The following SV2B variants were observed in gnomAD, a reference collection of about 807,000 sequenced individuals.
The protein encoded by SV2B is synaptic vesicle glycoprotein 2B.
SV2B carries 41 observed loss-of-function variants against 73.9 expected under a neutral mutation model. That is an observed-to-expected ratio of 0.56 (90% CI 0.43 to 0.72). The LOEUF is 0.72. Ranked by LOEUF, SV2B falls within the 30% of genes least tolerant of loss-of-function variation. SV2B has a pLI of 0.00. For synonymous variants in SV2B, 314 were observed against 314.2 expected (o/e 1.00, Z 0.01); for missense variants, 764 against 857.8 (o/e 0.89, Z 1.37).
intron 1 of SV2B, among the ~76,000 whole-genome samples, chr15:91,166,927 C>T (rs1169289007): frequency 2.0e-5 from 3 of 151,840 alleles, no homozygotes; most frequent in Non-Finnish European, 4.4e-5. Flanking sequence ...CATTCTCCTG[C>T]CTCAGCCTCC....
At position 91,236,492 on chromosome 15, in the gene SV2B, G is replaced by A. The variant is rs969308658; in HGVS notation, c.451+9778G>A. Among the ~76,000 whole-genome samples, 1 of 152,146 alleles carries A rather than the reference G, an allele frequency of 6.6e-6. No homozygotes were observed. Among genetic ancestry groups the A allele is most frequent in the African/African-American group, 2.4e-5 (1 of 41,406 alleles). On this transcript the variant is annotated intron_variant, in intron 2 of 12. Coordinates refer to ENST00000394232, the MANE Select transcript of SV2B (RefSeq NM_001323032.3). The surrounding 1 kb of genome is among the most constrained non-coding windows in gnomAD (Gnocchi z 4.1). Reference sequence around the variant, plus strand: ...TAAACTGGCATATTTACTGAGAATGGAGGTGGAAGTTGCAGAGTTGGGAGT... The same window carrying A: ...TAAACTGGCATATTTACTGAGAATGAAGGTGGAAGTTGCAGAGTTGGGAGT...
intron 1 of SV2B, among the ~76,000 whole-genome samples, chr15:91,172,246 GC>G (rs1345015967): frequency 2.0e-5 from 3 of 152,106 alleles, no homozygotes; most frequent in African/African-American, 7.2e-5. Context: ...AGCTTTCCCT[GC>G]CTGTGCTATC....
At chr15:91,217,048 C>T (rs958786500) in intron 1 of SV2B, among the ~76,000 whole-genome samples, 2 of 151,706 alleles carry the variant, frequency 1.3e-5, no homozygotes, top group Non-Finnish European at 2.9e-5. Context: ...CCACCACGCT[C>T]GGCTAATTAG....
At position 91,265,249 on chromosome 15, in the gene SV2B, C is replaced by T. The variant is rs796546481; in HGVS notation, c.1009-1333C>T. The stretch of plus-strand genomic sequence containing the variant: ...CCGTGAGCTCTAGGTTTTACCAGCC[C>T]TGTTGGCTGCCTCACAAACTCACAG... On this transcript the variant is annotated intron_variant, in intron 6 of 12. Transcript: ENST00000394232. This position sits in a 1 kb window ranked among gnomAD's most constrained non-coding sequence, Gnocchi z 4.2. Among the ~76,000 whole-genome samples, 5 of 152,322 alleles carry T rather than the reference C, an allele frequency of 3.3e-5. No homozygotes were observed. Among genetic ancestry groups the T allele is most frequent in the African/African-American group, 1.2e-4 (5 of 41,572 alleles).
At chr15:91,173,108 G>C (rs2044180577) in intron 1 of SV2B, among the ~76,000 whole-genome samples, 1 of 152,162 alleles carries the variant, frequency 6.6e-6, no homozygotes, top group South Asian at 2.1e-4. Flanking sequence ...GGGCCTCTGT[G>C]AGGAGGAGAA....
chr15:91,191,417 C>T (rs2045024439), intron 1 of SV2B, among the ~76,000 whole-genome samples: 1 of 151,844 alleles, frequency 6.6e-6, no homozygotes. Context: ...AGTTATTAAT[C>T]CCCCCCACCT....
In SV2B at chr15:91,296,913, T is replaced by TCCTTCTGCCCGATCGTTGGGCGCAC. The variant is rs1567035983; in HGVS notation, c.*4361_*4362insCCTTCTGCCCGATCGTTGGGCGCAC. The TCCTTCTGCCCGATCGTTGGGCGCAC allele has an allele frequency of 4.0e-3, 328 of 81,300 alleles. 50 individuals are homozygous for TCCTTCTGCCCGATCGTTGGGCGCAC. The highest frequency in any genetic ancestry group is 0.015 in the African/African-American group (307 of 20,728). 5.0% of individuals were successfully genotyped at this position (81,300 alleles called of 1,614,324 possible). A position where few individuals can be genotyped will look rare whatever the true frequency, so the allele number is the denominator to read the frequency against. On this transcript the variant is annotated 3_prime_UTR_variant, in exon 13 of 13. Coordinates refer to ENST00000394232, the MANE Select transcript of SV2B (RefSeq NM_001323032.3). Reference sequence around the variant, plus strand: ...TCCTTCTGCCCGATCGTTGGGCGCATGCTCCTTCTGCCCGATCGTTGGGAG... The same window carrying TCCTTCTGCCCGATCGTTGGGCGCAC: ...TCCTTCTGCCCGATCGTTGGGCGCATCCTTCTGCCCGATCGTTGGGCGCACGCTCCTTCTGCCCGATCGTTGGGAG...
rs752878763 is a variant in SV2B, at chr15:91,100,984, C to T, written c.-392+621C>T. 1.3e-5 allele frequency among the ~76,000 whole-genome samples: 2 copies of T among 152,226 alleles called. No homozygotes were observed. Among genetic ancestry groups the T allele is most frequent in the Non-Finnish European group, 2.9e-5 (2 of 68,038 alleles). ...CGTTTAGCCAGGGAGGAGCAAGGCA[C>T]CGCTGTGTCTTCGGCAGACGGGTGG... is the stretch of plus-strand genomic sequence containing the variant. On this transcript the variant is annotated intron_variant, in intron 1 of 12. Coordinates refer to ENST00000394232, the MANE Select transcript of SV2B (RefSeq NM_001323032.3). This position sits in a 1 kb window ranked among gnomAD's most constrained non-coding sequence, Gnocchi z 6.4.
At chr15:91,127,889 G>A (rs1347296015) in intron 1 of SV2B, among the ~76,000 whole-genome samples, 1 of 152,162 alleles carries the variant, frequency 6.6e-6, no homozygotes, top group East Asian at 1.9e-4. Flanking sequence ...GTAGTTCTTT[G>A]AGCTTTTCTT....
chr15:91,120,804 C>A (rs1381016948), intron 1 of SV2B, among the ~76,000 whole-genome samples: 1 of 140,024 alleles, frequency 7.1e-6, no homozygotes, highest in Non-Finnish European at 1.6e-5. Context: ...AGAGTGAGAA[C>A]CTGTCTCAAA....
rs777879129 is a variant in SV2B at position 91,298,984 on chromosome 15, T to C, written c.*6432T>C. ...CAATAGGGTATGAACAAAAGGCCTA[T>C]AAAAATAGCTTTCCAATTCGCCACC... On this transcript the variant is annotated 3_prime_UTR_variant, in exon 13 of 13. Transcript: ENST00000394232. The surrounding 1 kb of genome is among the most constrained non-coding windows in gnomAD (Gnocchi z 5.4). 6.6e-5 allele frequency: 10 copies of C among 152,132 alleles called. No individual in the cohort carries two copies. Among genetic ancestry groups the C allele is most frequent in the Non-Finnish European group, 1.3e-4 (9 of 68,010 alleles). The allele number at this position is 152,132 out of a possible 1,614,324, so 9.4% of individuals were successfully genotyped here.
rs1369245778 is a variant in SV2B, at chr15:91,122,488, A to G, written c.-392+22125A>G. Among the ~76,000 whole-genome samples the G allele has an allele frequency of 6.6e-6, 1 of 152,140 alleles. No homozygotes were observed. The highest frequency in any genetic ancestry group is 1.9e-4 in the East Asian group (1 of 5,192). ...CCTATGCCTTGTAAGCCATTTGGAC[A>G]CCTCACCCTGCTTCTCCTTCTCTGC... On this transcript the variant is annotated intron_variant, in intron 1 of 12. Transcript: ENST00000394232. The surrounding 1 kb of genome is among the most constrained non-coding windows in gnomAD (Gnocchi z 4.3).
chr15:91,173,417 A>G (rs1036870563), intron 1 of SV2B, among the ~76,000 whole-genome samples: 1 of 152,258 alleles, frequency 6.6e-6, no homozygotes. Context: ...TGATCTTACC[A>G]GGTTGTTTAA....
chr15:91,227,130 C>T lies in SV2B; in HGVS notation c.451+416C>T, dbSNP rs1046608145. Among the ~76,000 whole-genome samples the T allele has an allele frequency of 3.3e-5, 5 of 152,166 alleles. No individual in the cohort carries two copies. Among genetic ancestry groups the T allele is most frequent in the African/African-American group, 1.2e-4 (5 of 41,428 alleles). On this transcript the variant is annotated intron_variant, in intron 2 of 12. Transcript: ENST00000394232. This position sits in a 1 kb window ranked among gnomAD's most constrained non-coding sequence, Gnocchi z 4.5. The stretch of plus-strand genomic sequence containing the variant: ...CTCTGGCTGGTCTCTTCCACTTGGT[C>T]CTTCTCTCTGTGTCTTTCCAGAGTC...
chr15:91,259,499 C>T (rs1459470663), intron 5 of SV2B, among the ~76,000 whole-genome samples: 10 of 152,144 alleles, frequency 6.6e-5, no homozygotes, highest in Admixed American at 6.5e-4. Flanking sequence ...AGTTTTGCAC[C>T]CTTGGTTGGA....
rs1410105716 is a variant in SV2B at position 91,239,403 on chromosome 15, G to A, written c.452-12416G>A. Among the ~76,000 whole-genome samples, 2 of 151,782 alleles carry A rather than the reference G, an allele frequency of 1.3e-5. No homozygotes were observed. Among genetic ancestry groups the A allele is most frequent in the Non-Finnish European group, 2.9e-5 (2 of 67,958 alleles). Reference sequence around the variant, plus strand: ...AAGGAGACATGGTAACAGATTATAAGGTATAAGGCATGAATTACAAAGTTA... The same window carrying A: ...AAGGAGACATGGTAACAGATTATAAAGTATAAGGCATGAATTACAAAGTTA... On this transcript the variant is annotated intron_variant, in intron 2 of 12. Coordinates refer to ENST00000394232, the MANE Select transcript of SV2B (RefSeq NM_001323032.3). The surrounding 1 kb of genome is among the most constrained non-coding windows in gnomAD (Gnocchi z 5.1).
At chr15:91,230,626 G>C (rs1339924899) in intron 2 of SV2B, among the ~76,000 whole-genome samples, 1 of 152,230 alleles carries the variant, frequency 6.6e-6, no homozygotes, top group South Asian at 2.1e-4. Flanking sequence ...ACCCTGCTTA[G>C]TGTCCAGGAG....
In SV2B at chr15:91,236,773, G is replaced by C. The variant is rs901759480; in HGVS notation, c.451+10059G>C. On this transcript the variant is annotated intron_variant, in intron 2 of 12. Coordinates refer to ENST00000394232, the MANE Select transcript of SV2B (RefSeq NM_001323032.3). This position sits in a 1 kb window ranked among gnomAD's most constrained non-coding sequence, Gnocchi z 4.1. ...GCCCCTATTCCACTTGACATTACCTGGGGCAGCTGGAAGGTGGGGGCTGGA... is the reference window on the plus strand; with the variant it reads ...GCCCCTATTCCACTTGACATTACCTCGGGCAGCTGGAAGGTGGGGGCTGGA... 6.6e-6 allele frequency among the ~76,000 whole-genome samples: 1 copy of C among 152,054 alleles called. No individual in the cohort carries two copies. Among genetic ancestry groups the C allele is most frequent in the African/African-American group, 2.4e-5 (1 of 41,416 alleles).
rs556323776 is a variant in SV2B at position 91,142,365 on chromosome 15, A to G, written c.-392+42002A>G. Among the ~76,000 whole-genome samples the G allele has an allele frequency of 2.0e-5, 3 of 152,290 alleles. No homozygotes were observed. In the East Asian group the frequency reaches 5.8e-4, roughly 29 times the overall value. The stretch of plus-strand genomic sequence containing the variant: ...GCATTTCAAGATATTTTCCTGAACA[A>G]AGAGAACAACTTCCTGAAAAAAGTT... On this transcript the variant is annotated intron_variant, in intron 1 of 12. Transcript: ENST00000394232.
Sources: gnomAD v4.1 joint callset for allele counts (sites outside exome capture counted in the v4.1 genomes callset) on GRCh38, gnomAD v4.1.1 for gene constraint, Gnocchi (gnomAD v3.1) non-coding constraint, MANE v1.5 for transcripts, NCBI Gene and HGNC (gene_info 2026-07-23, HGNC 2026-07-21) for gene names.